Variants in COQ4 observed in about 807,000 individuals in gnomAD.
COQ4 encodes coenzyme Q4, also known as ubiquinone biosynthesis protein COQ4 homolog, mitochondrial.
Under a neutral mutation model 30.2 loss-of-function variants are expected in COQ4, and 36 were observed. The ratio of observed to expected loss-of-function variants is 1.19; its 90% confidence interval spans 0.91 to 1.57. The LOEUF (loss-of-function observed/expected upper bound fraction) is 1.57. Among genes scored for constraint, COQ4 ranks in the 40% most tolerant of loss-of-function variants. COQ4 has a pLI of 0.00. For synonymous variants in COQ4, 197 were observed against 161.0 expected (o/e 1.22, Z -1.69); for missense variants, 369 against 371.9 (o/e 0.99, Z 0.07).
chr9:128,327,690 C>T (rs1420465223), intron 4 of COQ4, among the ~76,000 whole-genome samples: 2 of 152,058 alleles, frequency 1.3e-5, no homozygotes, highest in East Asian at 3.9e-4. Flanking sequence ...GTCCCAGCTA[C>T]CTGGGAGGGA....
At chr9:128,333,450 T>C (rs772843182) in intron 6 of COQ4, 24 bp from the exon 7 acceptor site, 4 of 1,488,966 alleles carry the variant, frequency 2.7e-6, no homozygotes, top group Non-Finnish European at 3.6e-6. Flanking sequence ...CTTGATGTTT[T>C]CTTTTTCCTC....
intron 1 of COQ4, 21 bp downstream of exon 1, chr9:128,322,949 G>T: frequency 6.2e-7 from 1 of 1,603,384 alleles, no homozygotes. Flanking sequence ...CCGGGTTCTG[G>T]GCGCAGGCGG....
chr9:128,323,398 C>T (rs964000728), intron 2 of COQ4: 1 of 551,020 alleles, frequency 1.8e-6, no homozygotes, highest in East Asian at 3.2e-5. Flanking sequence ...TGTCATGCAG[C>T]CATATTGAGA....
chr9:128,325,022 C>A, intron 2 of COQ4, 121 bp from the exon 3 acceptor site: 2 of 663,018 alleles, frequency 3.0e-6, no homozygotes, highest in Non-Finnish European at 5.3e-6. Context: ...TAGCCTGAAT[C>A]CTTATAACAA....
In COQ4 at chr9:128,332,141, C is replaced by T. The variant is rs527772866; in HGVS notation, c.403-12C>T. ...ATCAGGAAGGGTTCTAGGGGAGGCT[C>T]ATGGTTGTCAGAGGGTCTCCCCAGA... On this transcript the variant is annotated splice_polypyrimidine_tract_variant and intron_variant, in intron 4 of 6. Coordinates refer to ENST00000300452, the MANE Select transcript of COQ4 (RefSeq NM_016035.5). 1.3e-6 allele frequency: 2 copies of T among 1,558,188 alleles called. No homozygotes were observed. Among genetic ancestry groups the T allele is most frequent in the South Asian group, 1.2e-5 (1 of 84,680 alleles).
chr9:128,323,034 G>A lies in COQ4; in HGVS notation c.89G>A (p.Arg30Lys). The A allele has an allele frequency of 6.2e-7, 1 of 1,612,032 alleles. No homozygotes were observed. Among genetic ancestry groups the A allele is most frequent in the Non-Finnish European group, 8.5e-7 (1 of 1,179,808 alleles). ...RPAAEMPLRARSDGAGPLYSH... is the reference protein window; with the variant it reads ...RPAAEMPLRAKSDGAGPLYSH... The stretch of plus-strand genomic sequence containing the variant: ...CCCGCAGAAATGCCCCTCCGGGCTA[G>A]GAGCGACGGCGCCGGCCCGCTATAC... The change falls in exon 2 of 7, where the codon AGG (arginine) becomes AAG (lysine). Residue 30 changes from arginine (R) to lysine (K), a missense_variant. Transcript: ENST00000300452.
intron 2 of COQ4, among the ~76,000 whole-genome samples, chr9:128,324,905 T>C (rs554904176): frequency 1.3e-5 from 2 of 152,364 alleles, no homozygotes; most frequent in African/African-American, 4.8e-5. Flanking sequence ...ATAAAATCTT[T>C]ACAACGTTGT....
chr9:128,323,599 AC>A, intron 2 of COQ4: 1 of 379,062 alleles, frequency 2.6e-6, no homozygotes, highest in Non-Finnish European at 4.7e-6. Flanking sequence ...CTAGGGTTCT[AC>A]AGTGTTTTTC....
At chr9:128,325,306 A>G in intron 3 of COQ4, 67 bp downstream of exon 3, 7 of 1,132,536 alleles carry the variant, frequency 6.2e-6, no homozygotes, top group Non-Finnish European at 9.1e-6. Flanking sequence ...CTAGAATCAC[A>G]TTGTGTTTGT....
Position 128,323,166 on chromosome 9 carries a change from C to T in COQ4, c.202+19C>T, listed in dbSNP as rs776076966. ...CGCCACGGTAAGGCCGCCCGCGCCTCGCCCCCGTGGGGGCGGCTTGGAGCC... is the reference window on the plus strand; with the variant it reads ...CGCCACGGTAAGGCCGCCCGCGCCTTGCCCCCGTGGGGGCGGCTTGGAGCC... On this transcript the variant is annotated intron_variant, in intron 2 of 6. Coordinates refer to ENST00000300452, the MANE Select transcript of COQ4 (RefSeq NM_016035.5). The T allele has an allele frequency of 1.3e-6, 2 of 1,571,786 alleles. No homozygotes were observed. Among genetic ancestry groups the T allele is most frequent in the East Asian group, 2.3e-5 (1 of 43,642 alleles).
chr9:128,324,045 G>A (rs967574379), intron 2 of COQ4, among the ~76,000 whole-genome samples: 6 of 152,268 alleles, frequency 3.9e-5, no homozygotes, highest in Admixed American at 2.0e-4. Context: ...GTGCAGTGGC[G>A]CAATCTCAGC....
chr9:128,332,599 T>A (rs1832433059), intron 5 of COQ4: 1 of 586,904 alleles, frequency 1.7e-6, no homozygotes, highest in South Asian at 2.1e-5. Flanking sequence ...TTAGCCTGGC[T>A]TATGGGGTCA....
rs1832233599 is a variant in COQ4, at chr9:128,322,940, C to T, written c.70+12C>T. 6.2e-7 allele frequency: 1 copy of T among 1,602,988 alleles called. No individual in the cohort carries two copies. The highest frequency in any genetic ancestry group is 8.5e-7 in the Non-Finnish European group (1 of 1,178,418). On this transcript the variant is annotated intron_variant, in intron 1 of 6. Coordinates refer to ENST00000300452, the MANE Select transcript of COQ4 (RefSeq NM_016035.5). Reference sequence around the variant, plus strand: ...GCGGCCTGCGGCAGGCAAGTGGCGCCGGGTTCTGGGCGCAGGCGGGAAGGA... The same window carrying T: ...GCGGCCTGCGGCAGGCAAGTGGCGCTGGGTTCTGGGCGCAGGCGGGAAGGA...
At chr9:128,328,480 T>C (rs557573963) in intron 4 of COQ4, among the ~76,000 whole-genome samples, 1 of 152,310 alleles carries the variant, frequency 6.6e-6, no homozygotes, top group East Asian at 1.9e-4. Flanking sequence ...CACTCTTTGT[T>C]GTGGGGGCGG....
rs547699792 is a variant in COQ4 at position 128,324,522 on chromosome 9, A to C, written c.203-621A>C. ...CAAATTAAGACACTGAGGCTGAAAA[A>C]TGTGAAGCAGGCCAGGCATGGTGGC... On this transcript the variant is annotated intron_variant, in intron 2 of 6. Transcript: ENST00000300452. Among the ~76,000 whole-genome samples, 12 of 152,246 alleles carry C rather than the reference A, an allele frequency of 7.9e-5. No homozygotes were observed. The South Asian group carries it at 2.5e-3, about 32-fold the overall frequency.
At chr9:128,330,970 T>G (rs1832398649) in intron 4 of COQ4, 1 of 152,040 alleles carries the variant, frequency 6.6e-6, no homozygotes, top group South Asian at 2.1e-4. Flanking sequence ...CCCGAGTAGC[T>G]GGGACTACAG....
At chr9:128,332,360 C>A in intron 5 of COQ4, 78 bp downstream of exon 5, 1 of 1,494,692 alleles carries the variant, frequency 6.7e-7, no homozygotes, top group Non-Finnish European at 9.1e-7. Context: ...ATCTCCACCA[C>A]CCTCTGCATC....
At position 128,333,655 on chromosome 9, in the gene COQ4, C is replaced by T. The variant is rs1191078661; in HGVS notation, c.*10C>T. ...CCAGGGCTTGGCCTGAGCTCCTGAG[C>T]CAGCGGGGCCTGGCCTACCTCCCCC... On this transcript the variant is annotated 3_prime_UTR_variant, in exon 7 of 7. Transcript: ENST00000300452. 2 of 1,522,630 alleles carry T rather than the reference C, an allele frequency of 1.3e-6. No individual in the cohort carries two copies. The highest frequency in any genetic ancestry group is 1.3e-5 in the South Asian group (1 of 77,348). The allele number at this position is 1,522,630 out of a possible 1,614,324, so 94.3% of individuals were successfully genotyped here.
In COQ4 at chr9:128,323,901, C is replaced by T. The variant is rs60873951; in HGVS notation, c.202+754C>T. Among the ~76,000 whole-genome samples the T allele has an allele frequency of 9.8e-4, 150 of 152,300 alleles. 2 individuals are homozygous for T. The East Asian group carries it at 0.026, about 27-fold the overall frequency. ...TCGAGACTGCAGTAAGTTGTGATTG[C>T]GCCATTGCACTCCAGCCTGGGCGAC... On this transcript the variant is annotated intron_variant, in intron 2 of 6. Transcript: ENST00000300452.
Sources: allele counts gnomAD v4.1 joint callset (sites outside exome capture counted in the v4.1 genomes callset), GRCh38; gene constraint gnomAD v4.1.1; transcripts MANE v1.5; gene names NCBI Gene and HGNC (gene_info 2026-07-23, HGNC 2026-07-21).